ACYP2: variants seen among roughly 807,000 people sequenced by gnomAD.
The protein encoded by ACYP2 is acylphosphatase 2.
A neutral mutation model predicts 11.2 loss-of-function variants in ACYP2; 12 were observed. The observed-to-expected ratio is 1.08, with a 90% CI of 0.69 to 1.74. The LOEUF (loss-of-function observed/expected upper bound fraction) is 1.74. Ranked by LOEUF, ACYP2 falls within the 40% of genes most tolerant of loss-of-function variation. The pLI is 0.00. For synonymous variants in ACYP2, 43 were observed against 32.2 expected, an observed-to-expected ratio of 1.33 and a Z score of -1.13; for missense variants, 134 against 101.9, an observed-to-expected ratio of 1.31 and a Z score of -1.35.
chr2:54,078,000 C>A (rs1480766627), intron 4 of ACYP2, among the ~76,000 whole-genome samples: 1 of 150,486 alleles, frequency 6.6e-6, no homozygotes, highest in African/African-American at 2.4e-5. Flanking sequence ...GATGGAGTCT[C>A]GCTCTGTCAC....
chr2:54,168,858 A>G (rs1359493020), intron 6 of ACYP2, among the ~76,000 whole-genome samples: 1 of 152,206 alleles, frequency 6.6e-6, no homozygotes, highest in African/African-American at 2.4e-5. Context: ...CATTTTCTGG[A>G]TAGCTGAGGA....
At position 54,227,940 on chromosome 2, in the gene ACYP2, AATC is replaced by A. The variant is rs1419259367; in HGVS notation, c.405-76744_405-76742del. On this transcript the variant is annotated intron_variant, in intron 6 of 6. Transcript: ENST00000607452. ...TTGGCCTGATTTTACATAACTTTCA[AATC>A]ATCTTCTCAGAAAGCTAAACCCCAG... 3.3e-5 allele frequency among the ~76,000 whole-genome samples: 5 copies of A among 152,238 alleles called. 1 individual carries two copies. The highest frequency in any genetic ancestry group is 3.3e-4 in the Admixed American group (5 of 15,282).
intron 6 of ACYP2, among the ~76,000 whole-genome samples, chr2:54,222,228 A>G (rs1685827200): frequency 6.6e-6 from 1 of 152,070 alleles, no homozygotes; most frequent in Non-Finnish European, 1.5e-5. Flanking sequence ...TCACTGTGTT[A>G]TTTGTGTTTG....
chr2:54,099,883 T>C (rs141311686), intron 4 of ACYP2, among the ~76,000 whole-genome samples: 1 of 152,316 alleles, frequency 6.6e-6, no homozygotes, highest in East Asian at 1.9e-4. Flanking sequence ...TTTTCCATAA[T>C]GGTTATACTA....
At chr2:53,999,014 A>C (rs922158286) in intron 2 of ACYP2, among the ~76,000 whole-genome samples, 1 of 152,080 alleles carries the variant, frequency 6.6e-6, no homozygotes, top group Non-Finnish European at 1.5e-5. Context: ...TTCATTAGTG[A>C]GAACTTGTCA....
intron 6 of ACYP2, among the ~76,000 whole-genome samples, chr2:54,157,219 G>A (rs1682473469): frequency 6.6e-6 from 1 of 151,812 alleles, no homozygotes; most frequent in Non-Finnish European, 1.5e-5. Context: ...TATATATATT[G>A]AAAATACATG....
At chr2:54,070,859 G>A (rs1677003711) in intron 4 of ACYP2, among the ~76,000 whole-genome samples, 1 of 151,234 alleles carries the variant, frequency 6.6e-6, no homozygotes, top group South Asian at 2.1e-4. Context: ...ACCTCAGCCT[G>A]CCTGGTAGCT....
intron 4 of ACYP2, among the ~76,000 whole-genome samples, chr2:54,070,952 A>G (rs868498737): frequency 1.3e-5 from 2 of 151,842 alleles, no homozygotes. Context: ...GAGTTTCATC[A>G]TGTTGCCCAG....
chr2:54,256,190 C>G, intron 6 of ACYP2: 1 of 1,567,774 alleles, frequency 6.4e-7, no homozygotes, highest in Non-Finnish European at 8.6e-7. Flanking sequence ...AGAGGCCAGG[C>G]CAGAGGTAGG....
chr2:54,249,885 G>C (rs762177172), intron 6 of ACYP2, among the ~76,000 whole-genome samples: 1 of 142,232 alleles, frequency 7.0e-6, no homozygotes, highest in African/African-American at 2.6e-5. Context: ...AGGCTGCAGT[G>C]AGCTGTGATT....
At chr2:54,277,909 G>A (rs1688677355) in intron 6 of ACYP2, among the ~76,000 whole-genome samples, 1 of 152,006 alleles carries the variant, frequency 6.6e-6, no homozygotes, top group African/African-American at 2.4e-5. Context: ...AGTTTCAAAT[G>A]TACCCAAAAA....
chr2:54,051,009 G>A lies in ACYP2; in HGVS notation c.114G>A (p.Lys38=). ...GCTGTTCTAGAACTCCTAATGTCAA[G>A]CTATCCTCCTGCCTCGGCCTCCCAT... is the stretch of plus-strand genomic sequence containing the variant. The change falls in exon 3 of 7, where the codon AAG becomes AAA. Residue 38 remains lysine (K), a synonymous_variant. Transcript: ENST00000607452. 1 of 455,012 alleles carries A rather than the reference G, an allele frequency of 2.2e-6. No homozygotes were observed. The highest frequency in any genetic ancestry group is 3.8e-6 in the Non-Finnish European group (1 of 260,576). 28.2% of individuals were successfully genotyped at this position (455,012 alleles called of 1,614,324 possible). A position where few individuals can be genotyped will look rare whatever the true frequency, so the allele number is the denominator to read the frequency against.
intron 2 of ACYP2, among the ~76,000 whole-genome samples, chr2:53,976,472 G>A (rs907095197): frequency 6.6e-6 from 1 of 152,184 alleles, no homozygotes; most frequent in African/African-American, 2.4e-5. Flanking sequence ...CTCCCAAAGT[G>A]CTGGGATTAC....
intron 2 of ACYP2, among the ~76,000 whole-genome samples, chr2:54,050,702 C>T (rs1675808999): frequency 6.6e-6 from 1 of 152,126 alleles, no homozygotes; most frequent in Admixed American, 6.5e-5. Flanking sequence ...AATTGCATCC[C>T]CCTAAAAATT....
intron 6 of ACYP2, among the ~76,000 whole-genome samples, chr2:54,198,885 C>T (rs1394442129): frequency 1.3e-5 from 2 of 152,162 alleles, no homozygotes; most frequent in African/African-American, 2.4e-5. Flanking sequence ...TATTTCACTT[C>T]TCGTTCCGTG....
chr2:54,186,080 T>A (rs772094084), intron 6 of ACYP2, among the ~76,000 whole-genome samples: 5 of 152,170 alleles, frequency 3.3e-5, no homozygotes, highest in Non-Finnish European at 4.4e-5. Context: ...AAATGTTTAA[T>A]ATCCCTAGTA....
Position 54,267,308 on chromosome 2 carries a change from T to C in ACYP2, c.405-37380T>C, listed in dbSNP as rs780653069. On this transcript the variant is annotated intron_variant, in intron 6 of 6. Coordinates refer to ENST00000607452, the MANE Select transcript of ACYP2 (RefSeq NM_001320586.2). The stretch of plus-strand genomic sequence containing the variant: ...TTTGACTTAATAGGAATTCATCAGC[T>C]CCGGAAGCTGGGTGAAGAAAAGAAA... 21 of 1,548,758 alleles carry C rather than the reference T, an allele frequency of 1.4e-5. No individual in the cohort carries two copies. In the South Asian group the frequency reaches 2.5e-4, roughly 19 times the overall value.
rs892374419 is a variant in ACYP2 at position 54,101,278 on chromosome 2, C to CT, written c.278-34166dup. 2.1e-4 allele frequency among the ~76,000 whole-genome samples: 32 copies of CT among 151,712 alleles called. 1 individual carries two copies. Among genetic ancestry groups the CT allele is most frequent in the African/African-American group, 4.1e-4 (17 of 41,362 alleles). On this transcript the variant is annotated intron_variant, in intron 4 of 6. Transcript: ENST00000607452. ...GATGGATATTTGAGTACTTCCAATT[C>CT]TTTTTTTTTACTGTAATAAACAACT...
chr2:54,252,868 C>T (rs1444914864), intron 6 of ACYP2, among the ~76,000 whole-genome samples: 1 of 151,098 alleles, frequency 6.6e-6, no homozygotes, highest in African/African-American at 2.4e-5. Flanking sequence ...CGTGCCACTG[C>T]ACTCCAGCCT....
Sources: allele counts gnomAD v4.1 joint callset (sites outside exome capture counted in the v4.1 genomes callset), GRCh38; gene constraint gnomAD v4.1.1; transcripts MANE v1.5; gene names NCBI Gene and HGNC (gene_info 2026-07-23, HGNC 2026-07-21).